TIMELESS: variants seen among roughly 807,000 people sequenced by gnomAD.
TIMELESS encodes timeless circadian regulator.
TIMELESS carries 124 observed loss-of-function variants against 164.3 expected under a neutral mutation model. That is an observed-to-expected ratio of 0.75 (90% confidence interval 0.65 to 0.88). The LOEUF is 0.88. Ranked by LOEUF, TIMELESS falls within the 40% of genes least tolerant of loss-of-function variation. The pLI is 0.00. For missense variants in TIMELESS, 1,422 were observed against 1,491.4 expected (o/e 0.95, Z 0.77); for synonymous variants, 564 against 563.4 (o/e 1.00, Z -0.02).
In TIMELESS at chr12:56,423,577, C is replaced by A; in HGVS notation, c.2090+7G>T. 2 of 1,614,052 alleles carry A rather than the reference C, an allele frequency of 1.2e-6. No individual in the cohort carries two copies. Among genetic ancestry groups the A allele is most frequent in the Non-Finnish European group, 1.7e-6 (2 of 1,179,964 alleles). On this transcript the variant is annotated splice_region_variant and intron_variant, in intron 17 of 28. Transcript: ENST00000553532. Reference sequence around the variant, plus strand: ...TCTAGGACCAACTCAGGCCTCTCAGCCCGCACCGTTTCAGGTAGTCCAGAA... The same window carrying A: ...TCTAGGACCAACTCAGGCCTCTCAGACCGCACCGTTTCAGGTAGTCCAGAA...
chr12:56,421,730 C>T lies in TIMELESS; in HGVS notation c.2722G>A (p.Asp908Asn). 6.2e-7 allele frequency: 1 copy of T among 1,614,132 alleles called. No homozygotes were observed. The highest frequency in any genetic ancestry group is 8.5e-7 in the Non-Finnish European group (1 of 1,179,992). Reference protein sequence around the residue: ...QRLFEEFRDSDDVLGHIMKNI... With the variant: ...QRLFEEFRDSNDVLGHIMKNI... ...CCTGAGTTTCCAGCTTACTCACCATCTGAGTCCCGGAATTCCTCAAAAAGC... is the reference window on the plus strand; with the variant it reads ...CCTGAGTTTCCAGCTTACTCACCATTTGAGTCCCGGAATTCCTCAAAAAGC... The change falls in exon 22 of 29, where the codon GAT (aspartate) becomes AAT (asparagine). Residue 908 changes from aspartate to asparagine, a missense_variant. Physicochemically the swap from Asp to Asn is conservative, Grantham distance 23. Coordinates refer to ENST00000553532, the MANE Select transcript of TIMELESS (RefSeq NM_003920.5).
Position 56,419,502 on chromosome 12 carries a change from G to A in TIMELESS, c.3228+1067C>T, listed in dbSNP as rs184548315. ...TGTGTGTGTGTCACCCTGTGTGCACGGTTGCAGCCTTCCAATAGAGGGACT... is the reference window on the plus strand; with the variant it reads ...TGTGTGTGTGTCACCCTGTGTGCACAGTTGCAGCCTTCCAATAGAGGGACT... On this transcript the variant is annotated intron_variant, in intron 26 of 28. Transcript: ENST00000553532. Among the ~76,000 whole-genome samples the A allele has an allele frequency of 5.7e-3, 826 of 144,630 alleles. 16 individuals are homozygous for A. The highest frequency in any genetic ancestry group is 0.019 in the African/African-American group (769 of 40,154). 94.9% of individuals were successfully genotyped at this position (144,630 alleles called of 152,430 possible). A position where few individuals can be genotyped will look rare whatever the true frequency, so the allele number is the denominator to read the frequency against.
Position 56,421,813 on chromosome 12 carries a change from AT to A in TIMELESS, c.2643-5del. ...CAGTACAATATGGGTTCCTTTCCTGATTAGGAAGGTGTCAGTGGAAGAGGAA... is the reference window on the plus strand; with the variant it reads ...CAGTACAATATGGGTTCCTTTCCTGATAGGAAGGTGTCAGTGGAAGAGGAA... On this transcript the variant is annotated splice_region_variant and splice_polypyrimidine_tract_variant and intron_variant, in intron 21 of 28. Coordinates refer to ENST00000553532, the MANE Select transcript of TIMELESS (RefSeq NM_003920.5). 1 of 1,614,016 alleles carries A rather than the reference AT, an allele frequency of 6.2e-7. No individual in the cohort carries two copies. The highest frequency in any genetic ancestry group is 1.1e-5 in the South Asian group (1 of 91,074).
intron 1 of TIMELESS, among the ~76,000 whole-genome samples, chr12:56,435,902 T>C (rs1001247253): frequency 7.0e-5 from 10 of 143,566 alleles, no homozygotes; most frequent in African/African-American, 2.6e-4. Context: ...GAGCTTGCAG[T>C]GAGCAGAGAT....
intron 26 of TIMELESS, among the ~76,000 whole-genome samples, chr12:56,419,568 G>C (rs575756362): frequency 1.4e-4 from 21 of 151,576 alleles, no homozygotes; most frequent in African/African-American, 4.1e-4. Context: ...AGCCTACCAG[G>C]GTGACTATGA....
At chr12:56,434,592 C>T (rs531848475) in intron 1 of TIMELESS, among the ~76,000 whole-genome samples, 1 of 152,272 alleles carries the variant, frequency 6.6e-6, no homozygotes, top group African/African-American at 2.4e-5. Context: ...ACAAAATTAG[C>T]CGGGCGTGGT....
chr12:56,444,657 C>T (rs75601477), intron 1 of TIMELESS, among the ~76,000 whole-genome samples: 5,374 of 152,104 alleles, frequency 0.035, 318 homozygotes, highest in African/African-American at 0.12. Context: ...AGCTATCCTC[C>T]GACCGCAGCC....
rs749366492 is a variant in TIMELESS at position 56,432,525 on chromosome 12, C to G, written c.532-1G>C. ...GGGCACTGGCGTCATCATCAATCTTCTGAGCAGTGAGTGGTGAGGGTAGAA... is the reference window on the plus strand; with the variant it reads ...GGGCACTGGCGTCATCATCAATCTTGTGAGCAGTGAGTGGTGAGGGTAGAA... On this transcript the variant is annotated splice_acceptor_variant, in intron 6 of 28. Coordinates refer to ENST00000553532, the MANE Select transcript of TIMELESS (RefSeq NM_003920.5). LOFTEE classifies it high-confidence loss of function. 2 of 1,613,272 alleles carry G rather than the reference C, an allele frequency of 1.2e-6. No individual in the cohort carries two copies. The highest frequency in any genetic ancestry group is 1.1e-5 in the South Asian group (1 of 91,060).
intron 21 of TIMELESS, 33 bp from the exon 22 acceptor site, chr12:56,421,842 C>T: frequency 5.6e-6 from 9 of 1,613,646 alleles, no homozygotes; most frequent in Non-Finnish European, 7.6e-6. Context: ...AAGAGGAAGC[C>T]CAGGAAGTGA....
intron 15 of TIMELESS, among the ~76,000 whole-genome samples, 171 bp from the exon 16 acceptor site, chr12:56,424,065 C>T (rs1051460560): frequency 6.6e-6 from 1 of 152,158 alleles, no homozygotes; most frequent in African/African-American, 2.4e-5. Context: ...TCATAAGCCA[C>T]AATTCAATAA....
Position 56,423,356 on chromosome 12 carries a change from T to C in TIMELESS, c.2210A>G (p.Lys737Arg), listed in dbSNP as rs1444027256. 3 of 1,614,150 alleles carry C rather than the reference T, an allele frequency of 1.9e-6. No homozygotes were observed. Among genetic ancestry groups the C allele is most frequent in the Admixed American group, 1.7e-5 (1 of 60,006 alleles). ...KMLHRLAHDL[K>R]MEALLFQLSV... Reference sequence around the variant, plus strand: ...CAGCTGAAAAAGTAGGGCTTCCATTTTGAGGTCATGGGCCAGCCGGTGCAG... The same window carrying C: ...CAGCTGAAAAAGTAGGGCTTCCATTCTGAGGTCATGGGCCAGCCGGTGCAG... The change falls in exon 18 of 29, where the codon AAA becomes AGA. Residue 737 changes from lysine (K) to arginine (R), a missense_variant. Lys to Arg is a conservative substitution (Grantham distance 26, BLOSUM62 2). Coordinates refer to ENST00000553532, the MANE Select transcript of TIMELESS (RefSeq NM_003920.5).
Position 56,423,424 on chromosome 12 carries a change from G to A in TIMELESS, c.2142C>T (p.Tyr714=), listed in dbSNP as rs766233004. 6.2e-7 allele frequency: 1 copy of A among 1,614,112 alleles called. No individual in the cohort carries two copies. Among genetic ancestry groups the A allele is most frequent in the Non-Finnish European group, 8.5e-7 (1 of 1,180,034 alleles). The change falls in exon 18 of 29, where the codon TAC becomes TAT. Residue 714 remains tyrosine, a synonymous_variant. Coordinates refer to ENST00000553532, the MANE Select transcript of TIMELESS (RefSeq NM_003920.5). The part of the protein sequence containing the change: ...VRAYVLLLRS[Y]QQNSAHTNHC... The stretch of plus-strand genomic sequence containing the variant: ...GGTTAGTGTGGGCACTATTCTGCTG[G>A]TAGCTCCTTAGTAGCAGCACATAGG...
At chr12:56,420,029 A>AAAAAAAAAATATAT (rs1555176447) in intron 26 of TIMELESS, among the ~76,000 whole-genome samples, 9 of 75,184 alleles carry the variant, frequency 1.2e-4, no homozygotes, top group Non-Finnish European at 1.6e-4. Flanking sequence ...AAAAAAAAAA[A>AAAAAAAAAATATAT]ATATATATAT....
chr12:56,430,091 T>A lies in TIMELESS; in HGVS notation c.1086+14A>T. ...CCATTCCTGATTATCTCCATATCCTTCACAGGTTCTCACCTTTACTGATCC... is the reference window on the plus strand; with the variant it reads ...CCATTCCTGATTATCTCCATATCCTACACAGGTTCTCACCTTTACTGATCC... On this transcript the variant is annotated intron_variant, in intron 10 of 28. Transcript: ENST00000553532. 1 of 1,600,064 alleles carries A rather than the reference T, an allele frequency of 6.2e-7. No individual in the cohort carries two copies. The highest frequency in any genetic ancestry group is 1.1e-5 in the South Asian group (1 of 89,206).
At chr12:56,424,254 T>C (rs1019989846) in intron 15 of TIMELESS, among the ~76,000 whole-genome samples, 1 of 152,200 alleles carries the variant, frequency 6.6e-6, no homozygotes, top group African/African-American at 2.4e-5. Flanking sequence ...ATGTACAGTA[T>C]TTCATTTTTG....
chr12:56,429,966 T>C (rs1045058848), intron 10 of TIMELESS, 139 bp downstream of exon 10: 23 of 740,932 alleles, frequency 3.1e-5, no homozygotes, highest in African/African-American at 1.8e-5. Context: ...ACATCCTAAC[T>C]GTATATCCTT....
intron 1 of TIMELESS, among the ~76,000 whole-genome samples, chr12:56,440,723 C>A (rs146648046): frequency 9.5e-4 from 144 of 152,304 alleles, no homozygotes; most frequent in African/African-American, 3.2e-3. Flanking sequence ...GGTCTTCAGA[C>A]CACTGCCAAT....
chr12:56,434,696 C>T (rs182256016), intron 1 of TIMELESS, among the ~76,000 whole-genome samples: 389 of 152,246 alleles, frequency 2.6e-3, no homozygotes, highest in African/African-American at 8.8e-3. Flanking sequence ...AAGATCATGC[C>T]GCCACACTCT....
intron 1 of TIMELESS, among the ~76,000 whole-genome samples, chr12:56,447,182 G>GTTTTTTTTTTTTTTTTTTTTTTTTTTTT: frequency 1.1e-5 from 1 of 89,246 alleles, no homozygotes; most frequent in Non-Finnish European, 2.2e-5. Flanking sequence ...GCTAATTTTT[G>GTTTTTTTTTTTTTTTTTTTTTTTTTTTT]TTTTTTTTTT....
Sources: allele counts gnomAD v4.1 joint callset (sites outside exome capture counted in the v4.1 genomes callset), GRCh38; gene constraint gnomAD v4.1.1; transcripts MANE v1.5; gene names NCBI Gene and HGNC (gene_info 2026-07-23, HGNC 2026-07-21).